TAS2R50: variants seen among roughly 807,000 people sequenced by gnomAD.
TAS2R50 encodes taste receptor type 2 member 50.
For synonymous variants in TAS2R50, 140 were observed against 126.9 expected (o/e 1.10, Z -0.70); for missense variants, 372 against 347.0 (o/e 1.07, Z -0.57).
rs1939604761 is a variant in TAS2R50, at chr12:10,986,075, C to T, written c.786G>A (p.Met262Ile). The T allele has an allele frequency of 6.2e-7, 1 of 1,613,922 alleles. No individual in the cohort carries two copies. The highest frequency in any genetic ancestry group is 1.3e-5 in the African/African-American group (1 of 74,840). ...PRRLRNDPVVMVSKAVGNIYL... is the reference protein window; with the variant it reads ...PRRLRNDPVVIVSKAVGNIYL... Reference sequence around the variant, plus strand: ...ATATGTTTCCAACAGCCTTGCTAACCATGACAACCGGGTCATTCCGCAGCC... The same window carrying T: ...ATATGTTTCCAACAGCCTTGCTAACTATGACAACCGGGTCATTCCGCAGCC... Residue 262 changes from methionine (M) to isoleucine (I), a missense_variant, in exon 1 of 1, where the codon ATG (methionine) becomes ATA (isoleucine). By Grantham distance (10) the Met-to-Ile change is conservative. Transcript: ENST00000506868.
In TAS2R50 at chr12:10,986,466, A is replaced by G; in HGVS notation, c.395T>C (p.Ile132Thr). ...KRRVRSVILV[I>T]LLGTLIFLVC... Reference sequence around the variant, plus strand: ...CAAAAATATCAAAGTCCCCAACAGTATCACCAGAATGACACTCCTAACTCT... The same window carrying G: ...CAAAAATATCAAAGTCCCCAACAGTGTCACCAGAATGACACTCCTAACTCT... The change falls in exon 1 of 1, where the codon ATA becomes ACA. Residue 132 changes from isoleucine (I) to threonine (T), a missense_variant. Coordinates refer to ENST00000506868, the MANE Select transcript of TAS2R50 (RefSeq NM_176890.2). The G allele has an allele frequency of 6.2e-7, 1 of 1,614,168 alleles. No individual in the cohort carries two copies. Among genetic ancestry groups the G allele is most frequent in the Non-Finnish European group, 8.5e-7 (1 of 1,180,030 alleles).
In TAS2R50 at chr12:10,986,112, C is replaced by A. The variant is rs747228417; in HGVS notation, c.749G>T (p.Trp250Leu). ...IFFLFLIVSV[W>L]SPRRLRNDPV... ...GTCATTCCGCAGCCTCCTAGGACTC[C>A]AAACCGAAACGATTAGGAATAGAAA... The change falls in exon 1 of 1, where the codon TGG becomes TTG. Residue 250 changes from tryptophan (W) to leucine (L), a missense_variant. Transcript: ENST00000506868. 4 of 1,613,918 alleles carry A rather than the reference C, an allele frequency of 2.5e-6. No individual in the cohort carries two copies. Among genetic ancestry groups the A allele is most frequent in the African/African-American group, 2.7e-5 (2 of 74,848 alleles).
Position 10,986,067 on chromosome 12 carries a change from T to C in TAS2R50, c.794A>G (p.Lys265Arg). 2 of 1,614,074 alleles carry C rather than the reference T, an allele frequency of 1.2e-6. No individual in the cohort carries two copies. The highest frequency in any genetic ancestry group is 1.7e-6 in the Non-Finnish European group (2 of 1,179,996). The change falls in exon 1 of 1, where the codon AAG (lysine) becomes AGG (arginine). Residue 265 changes from lysine (K) to arginine (R), a missense_variant. Coordinates refer to ENST00000506868, the MANE Select transcript of TAS2R50 (RefSeq NM_176890.2). ...TGCAAGATATATGTTTCCAACAGCC[T>C]TGCTAACCATGACAACCGGGTCATT... ...LRNDPVVMVSKAVGNIYLAFD... is the reference protein window; with the variant it reads ...LRNDPVVMVSRAVGNIYLAFD...
chr12:10,986,570 C>A lies in TAS2R50; in HGVS notation c.291G>T (p.Trp97Cys). The A allele has an allele frequency of 6.2e-7, 1 of 1,614,014 alleles. No homozygotes were observed. The highest frequency in any genetic ancestry group is 8.5e-7 in the Non-Finnish European group (1 of 1,179,996). The change falls in exon 1 of 1, where the codon TGG becomes TGT. Residue 97 changes from tryptophan (W) to cysteine (C), a missense_variant. By Grantham distance (215) the Trp-to-Cys change is radical. Transcript: ENST00000506868. The part of the protein sequence containing the change: ...AWVVTNHFSM[W>C]LAANLSIFYL... ...AAAATATGCTGAGGTTAGCAGCAAG[C>A]CACATGCTGAAATGGTTGGTTACAA...
Position 10,986,663 on chromosome 12 carries a change from C to A in TAS2R50, c.198G>T (p.Trp66Cys), listed in dbSNP as rs779393800. 1 of 1,612,094 alleles carries A rather than the reference C, an allele frequency of 6.2e-7. No homozygotes were observed. Among genetic ancestry groups the A allele is most frequent in the South Asian group, 1.1e-5 (1 of 90,582 alleles). ...IGLLWALLLNWYLTVLNPAFY... is the reference protein window; with the variant it reads ...IGLLWALLLNCYLTVLNPAFY... ...AAGCTGGATTCAACACAGTTAAATACCAATTTAATAATAATGCCCAGAGCA... is the reference window on the plus strand; with the variant it reads ...AAGCTGGATTCAACACAGTTAAATAACAATTTAATAATAATGCCCAGAGCA... Residue 66 changes from tryptophan to cysteine, a missense_variant, in exon 1 of 1, where the codon TGG (tryptophan) becomes TGT (cysteine). Trp to Cys is a radical substitution (Grantham distance 215). Transcript: ENST00000506868.
the TAS2R50 span, chr12:10,986,253 CACAGAGA>C: frequency 1.9e-6 from 3 of 1,613,810 alleles, no homozygotes; most frequent in African/African-American, 4.0e-5. Context: ...GAGATGTTTA[CACAGAGA>C]ACAGATTAGC....
At position 10,986,190 on chromosome 12, in the gene TAS2R50, T is replaced by C; in HGVS notation, c.671A>G (p.His224Arg). ...GATCAGAGTTTGCAAAGCTTTTATGTGGACCTTGGTGCTGAGATCTTGCGA... is the reference window on the plus strand; with the variant it reads ...GATCAGAGTTTGCAAAGCTTTTATGCGGACCTTGGTGCTGAGATCTTGCGA... Reference protein sequence around the residue: ...EGSQDLSTKVHIKALQTLISF... With the variant: ...EGSQDLSTKVRIKALQTLISF... Residue 224 changes from histidine (H) to arginine (R), a missense_variant, in exon 1 of 1, where the codon CAC becomes CGC. Physicochemically the swap from His to Arg is conservative, Grantham distance 29. Coordinates refer to ENST00000506868, the MANE Select transcript of TAS2R50 (RefSeq NM_176890.2). 2 of 1,614,112 alleles carry C rather than the reference T, an allele frequency of 1.2e-6. No homozygotes were observed. Among genetic ancestry groups the C allele is most frequent in the Non-Finnish European group, 1.7e-6 (2 of 1,180,006 alleles).
In TAS2R50 at chr12:10,986,151, A is replaced by G. The variant is rs373573732; in HGVS notation, c.710T>C (p.Leu237Ser). 6.2e-7 allele frequency: 1 copy of G among 1,613,968 alleles called. No homozygotes were observed. The highest frequency in any genetic ancestry group is 8.5e-7 in the Non-Finnish European group (1 of 1,180,004). The change falls in exon 1 of 1, where the codon TTA (leucine) becomes TCA (serine). Residue 237 changes from leucine to serine, a missense_variant. By Grantham distance (145) the Leu-to-Ser change is moderately radical. Coordinates refer to ENST00000506868, the MANE Select transcript of TAS2R50 (RefSeq NM_176890.2). ...ALQTLISFLLLCAIFFLFLIV... is the reference protein window; with the variant it reads ...ALQTLISFLLSCAIFFLFLIV... ...TAGGAATAGAAAGAAAATGGCACATAACAAGAGGAAGGAGATCAGAGTTTG... is the reference window on the plus strand; with the variant it reads ...TAGGAATAGAAAGAAAATGGCACATGACAAGAGGAAGGAGATCAGAGTTTG...
rs745436761 is a variant in TAS2R50 at position 10,986,541 on chromosome 12, A to C, written c.320T>G (p.Leu107Trp). 4.3e-6 allele frequency: 7 copies of C among 1,614,022 alleles called. No homozygotes were observed. Among genetic ancestry groups the C allele is most frequent in the Non-Finnish European group, 5.9e-6 (7 of 1,180,024 alleles). The change falls in exon 1 of 1, where the codon TTG (leucine) becomes TGG (tryptophan). Residue 107 changes from leucine to tryptophan, a missense_variant. Coordinates refer to ENST00000506868, the MANE Select transcript of TAS2R50 (RefSeq NM_176890.2). ...GTTGGAGAAATTGGCAATCTTGAGC[A>C]AATAAAATATGCTGAGGTTAGCAGC... ...WLAANLSIFY[L>W]LKIANFSNLL...
In TAS2R50 at chr12:10,986,172, G is replaced by A; in HGVS notation, c.689C>T (p.Thr230Ile). 4 of 1,614,094 alleles carry A rather than the reference G, an allele frequency of 2.5e-6. No homozygotes were observed. Among genetic ancestry groups the A allele is most frequent in the Non-Finnish European group, 3.4e-6 (4 of 1,180,016 alleles). The change falls in exon 1 of 1, where the codon ACT becomes ATT. Residue 230 changes from threonine (T) to isoleucine (I), a missense_variant. Coordinates refer to ENST00000506868, the MANE Select transcript of TAS2R50 (RefSeq NM_176890.2). Reference sequence around the variant, plus strand: ...ACATAACAAGAGGAAGGAGATCAGAGTTTGCAAAGCTTTTATGTGGACCTT... The same window carrying A: ...ACATAACAAGAGGAAGGAGATCAGAATTTGCAAAGCTTTTATGTGGACCTT... ...STKVHIKALQ[T>I]LISFLLLCAI...
At chr12:10,986,912 ATTTC>A (rs774954738), upstream of TAS2R50, 7 of 1,288,834 alleles carry the variant, frequency 5.4e-6, no homozygotes, top group African/African-American at 4.5e-5. Context: ...ACTGGTTGTG[ATTTC>A]TTTAATACTC....
Position 10,986,194 on chromosome 12 carries a change from C to T in TAS2R50, c.667G>A (p.Val223Ile). Residue 223 changes from valine to isoleucine, a missense_variant, in exon 1 of 1, where the codon GTC (valine) becomes ATC (isoleucine). By Grantham distance (29) the Val-to-Ile change is conservative (BLOSUM62 3). Transcript: ENST00000506868. ...GEGSQDLSTK[V>I]HIKALQTLIS... ...AGAGTTTGCAAAGCTTTTATGTGGA[C>T]CTTGGTGCTGAGATCTTGCGATCCT... 1 of 1,614,006 alleles carries T rather than the reference C, an allele frequency of 6.2e-7. No individual in the cohort carries two copies. The highest frequency in any genetic ancestry group is 8.5e-7 in the Non-Finnish European group (1 of 1,179,996).
In TAS2R50 at chr12:10,986,405, A is replaced by T; in HGVS notation, c.456T>A (p.Ser152Arg). 6.2e-7 allele frequency: 1 copy of T among 1,613,874 alleles called. No homozygotes were observed. The highest frequency in any genetic ancestry group is 2.2e-5 in the East Asian group (1 of 44,870). Reference protein sequence around the residue: ...CHLLVANMDESMWAEEYEGNM... With the variant: ...CHLLVANMDERMWAEEYEGNM... ...TTCCTTCATATTCTTCTGCCCACAT[A>T]CTCTCATCCATGTTTGCCACAAGAA... Residue 152 changes from serine (S) to arginine (R), a missense_variant, in exon 1 of 1, where the codon AGT becomes AGA. Ser to Arg is a moderately radical substitution (Grantham distance 110). Transcript: ENST00000506868.
At position 10,986,533 on chromosome 12, in the gene TAS2R50, T is replaced by C. The variant is rs748717785; in HGVS notation, c.328A>G (p.Ile110Val). ...AAAAGAAGGTTGGAGAAATTGGCAATCTTGAGCAAATAAAATATGCTGAGG... is the reference window on the plus strand; with the variant it reads ...AAAAGAAGGTTGGAGAAATTGGCAACCTTGAGCAAATAAAATATGCTGAGG... ...ANLSIFYLLK[I>V]ANFSNLLFLH... Residue 110 changes from isoleucine (I) to valine (V), a missense_variant, in exon 1 of 1, where the codon ATT (isoleucine) becomes GTT (valine). Coordinates refer to ENST00000506868, the MANE Select transcript of TAS2R50 (RefSeq NM_176890.2). The C allele has an allele frequency of 6.2e-7, 1 of 1,614,106 alleles. No individual in the cohort carries two copies. The highest frequency in any genetic ancestry group is 1.7e-5 in the Admixed American group (1 of 60,026).
chr12:10,986,547 A>T lies in TAS2R50; in HGVS notation c.314T>A (p.Phe105Tyr). 6.2e-7 allele frequency: 1 copy of T among 1,614,118 alleles called. No homozygotes were observed. The highest frequency in any genetic ancestry group is 8.5e-7 in the Non-Finnish European group (1 of 1,179,998). The change falls in exon 1 of 1, where the codon TTT becomes TAT. Residue 105 changes from phenylalanine (F) to tyrosine (Y), a missense_variant. By Grantham distance (22) the Phe-to-Tyr change is conservative. Coordinates refer to ENST00000506868, the MANE Select transcript of TAS2R50 (RefSeq NM_176890.2). ...GAAATTGGCAATCTTGAGCAAATAA[A>T]ATATGCTGAGGTTAGCAGCAAGCCA... ...SMWLAANLSI[F>Y]YLLKIANFSN...
At position 10,986,099 on chromosome 12, in the gene TAS2R50, C is replaced by T. The variant is rs1939607038; in HGVS notation, c.762G>A (p.Arg254=). The change falls in exon 1 of 1, where the codon AGG becomes AGA. Residue 254 remains arginine, a synonymous_variant. Coordinates refer to ENST00000506868, the MANE Select transcript of TAS2R50 (RefSeq NM_176890.2). ...FLIVSVWSPR[R]LRNDPVVMVS... Reference sequence around the variant, plus strand: ...CCATGACAACCGGGTCATTCCGCAGCCTCCTAGGACTCCAAACCGAAACGA... The same window carrying T: ...CCATGACAACCGGGTCATTCCGCAGTCTCCTAGGACTCCAAACCGAAACGA... 1.2e-6 allele frequency: 2 copies of T among 1,613,848 alleles called. No homozygotes were observed. The highest frequency in any genetic ancestry group is 1.7e-6 in the Non-Finnish European group (2 of 1,179,994).
rs987357549 is a variant in TAS2R50, at chr12:10,986,824, T to C, written c.37A>G (p.Ile13Val). 6 of 1,555,780 alleles carry C rather than the reference T, an allele frequency of 3.9e-6. No individual in the cohort carries two copies. Among genetic ancestry groups the C allele is most frequent in the Non-Finnish European group, 4.3e-6 (5 of 1,160,076 alleles). ...TFLYIFFSILIMVLFVLGNFA... is the reference protein window; with the variant it reads ...TFLYIFFSILVMVLFVLGNFA... ...TTTCCGAGAACAAATAAAACCATTA[T>C]TAGAATTGAAAAAAAAATGTATAGA... Residue 13 changes from isoleucine to valine, a missense_variant, in exon 1 of 1, where the codon ATA becomes GTA. By Grantham distance (29) the Ile-to-Val change is conservative. Transcript: ENST00000506868.
In TAS2R50 at chr12:10,986,746, T is replaced by C. The variant is rs1939656874; in HGVS notation, c.115A>G (p.Lys39Glu). ...LVNFIDWVKR[K>E]KISSADQILT... ...ATTTGGTCAGCTGAGGAGATCTTTT[T>C]TCTCTTCACCCAGTCAATGAAATTT... Residue 39 changes from lysine to glutamate, a missense_variant, in exon 1 of 1, where the codon AAA (lysine) becomes GAA (glutamate). Lys to Glu is a moderately conservative substitution (Grantham distance 56). Transcript: ENST00000506868. 1.2e-6 allele frequency: 2 copies of C among 1,612,478 alleles called. No individual in the cohort carries two copies. Among genetic ancestry groups the C allele is most frequent in the Non-Finnish European group, 1.7e-6 (2 of 1,179,688 alleles).
Position 10,986,848 on chromosome 12 carries a change from G to C in TAS2R50, c.13C>G (p.Leu5Val). 6.5e-7 allele frequency: 1 copy of C among 1,534,022 alleles called. No individual in the cohort carries two copies. The highest frequency in any genetic ancestry group is 8.7e-7 in the Non-Finnish European group (1 of 1,147,580). The change falls in exon 1 of 1, where the codon CTA (leucine) becomes GTA (valine). Residue 5 changes from leucine to valine, a missense_variant. Physicochemically the swap from Leu to Val is conservative, Grantham distance 32. Coordinates refer to ENST00000506868, the MANE Select transcript of TAS2R50 (RefSeq NM_176890.2). ...ATTAGAATTGAAAAAAAAATGTATA[G>C]AAAAGTTATCATATCTGAGCAGAAA... MITF[L>V]YIFFSILIMV...
Sources: gnomAD v4.1 joint callset for allele counts on GRCh38, gnomAD v4.1.1 for gene constraint, MANE v1.5 for transcripts, NCBI Gene and HGNC (gene_info 2026-07-23, HGNC 2026-07-21) for gene names.